The following DIS3L2 variants were observed in gnomAD, a reference collection of about 807,000 sequenced individuals.
The protein encoded by DIS3L2 is DIS3-like exonuclease 2.
A neutral mutation model predicts 97.5 loss-of-function variants in DIS3L2; 34 were observed. The observed-to-expected ratio is 0.35, with a 90% CI of 0.27 to 0.46. The LOEUF is 0.46. Ranked by LOEUF, DIS3L2 falls within the 20% of genes least tolerant of loss-of-function variation. The pLI, the probability that DIS3L2 is intolerant of heterozygous loss-of-function variation, is 1.00. For synonymous variants in DIS3L2, 435 were observed against 445.2 expected (o/e 0.98, Z 0.29); for missense variants, 1,038 against 1,146.0 (o/e 0.91, Z 1.36).
At chr2:231,999,327 C>G (rs1693814576) in intron 1 of DIS3L2, among the ~76,000 whole-genome samples, 2 of 152,172 alleles carry the variant, frequency 1.3e-5, no homozygotes, top group Admixed American at 6.5e-5. Context: ...GATCTAGGCA[C>G]TAGATATGCT....
intron 8 of DIS3L2, among the ~76,000 whole-genome samples, chr2:232,155,713 A>G (rs534087684): frequency 6.6e-6 from 1 of 152,302 alleles, no homozygotes; most frequent in South Asian, 2.1e-4. Flanking sequence ...TTTTCTGGCC[A>G]GGCGTGGTGG....
intron 9 of DIS3L2, among the ~76,000 whole-genome samples, chr2:232,170,206 A>G (rs1273187599): frequency 1.3e-5 from 2 of 152,206 alleles, no homozygotes; most frequent in African/African-American, 4.8e-5. Flanking sequence ...AGAAACCCAG[A>G]AGTTATTTCT....
chr2:232,286,463 A>C lies in DIS3L2; in HGVS notation c.1660-13577A>C, dbSNP rs532224821. Among the ~76,000 whole-genome samples the C allele has an allele frequency of 5.3e-4, 80 of 152,174 alleles. No individual in the cohort carries two copies. In the Middle Eastern group the frequency reaches 0.017, roughly 32 times the overall value. ...GATACTGCTCAGGTAAAGAAATTGGACCTTATTGTTGTAGAAATTACTCAG... is the reference window on the plus strand; with the variant it reads ...GATACTGCTCAGGTAAAGAAATTGGCCCTTATTGTTGTAGAAATTACTCAG... On this transcript the variant is annotated intron_variant, in intron 13 of 20. Transcript: ENST00000325385.
At chr2:232,013,181 T>C (rs1158048868) in intron 1 of DIS3L2, among the ~76,000 whole-genome samples, 1 of 152,214 alleles carries the variant, frequency 6.6e-6, no homozygotes, top group Non-Finnish European at 1.5e-5. Flanking sequence ...GTTCGGGTCT[T>C]CCTTTCCTTT....
intron 5 of DIS3L2, among the ~76,000 whole-genome samples, chr2:232,049,270 A>G (rs1454135525): frequency 6.6e-6 from 1 of 152,170 alleles, no homozygotes; most frequent in Non-Finnish European, 1.5e-5. Context: ...AAATTCTTAA[A>G]GAGGAATTAC....
intron 14 of DIS3L2, among the ~76,000 whole-genome samples, chr2:232,301,835 CTTTTTTTTTTTTT>C (rs557282669): frequency 3.6e-4 from 38 of 105,486 alleles, no homozygotes; most frequent in African/African-American, 1.3e-3. Context: ...TAGCCTAGCT[CTTTTTTTTTTTTT>C]TTTTTTTTTT....
intron 9 of DIS3L2, among the ~76,000 whole-genome samples, chr2:232,167,986 T>G (rs926048285): frequency 2.0e-5 from 3 of 152,050 alleles, no homozygotes; most frequent in Non-Finnish European, 4.4e-5. Flanking sequence ...AGGCAGAGGT[T>G]ACAGTGAGCC....
At chr2:232,086,678 T>TCAC (rs1696660018) in intron 5 of DIS3L2, among the ~76,000 whole-genome samples, 4 of 138,370 alleles carry the variant, frequency 2.9e-5, no homozygotes, top group African/African-American at 1.1e-4. Flanking sequence ...TGTGTGTGTG[T>TCAC]ATATATATAT....
intron 1 of DIS3L2, among the ~76,000 whole-genome samples, chr2:231,997,699 A>G (rs902918227): frequency 6.6e-6 from 1 of 152,246 alleles, no homozygotes; most frequent in Non-Finnish European, 1.5e-5. Context: ...AGACGAGAGA[A>G]TGGTACAAAT....
At chr2:232,006,522 C>T (rs3100601) in intron 1 of DIS3L2, among the ~76,000 whole-genome samples, 142,788 of 152,298 alleles carry the variant, frequency 0.94, 67,033 homozygotes, top group East Asian at 1. Context: ...GTGGAAAATA[C>T]AGTTTGAGGA....
intron 1 of DIS3L2, among the ~76,000 whole-genome samples, chr2:231,973,104 C>T (rs1206052052): frequency 1.3e-5 from 2 of 152,160 alleles, no homozygotes; most frequent in Non-Finnish European, 2.9e-5. Flanking sequence ...GGTATAGTTT[C>T]CTTAAATGTT....
At chr2:232,076,897 G>C (rs368740863) in intron 5 of DIS3L2, among the ~76,000 whole-genome samples, 2 of 152,090 alleles carry the variant, frequency 1.3e-5, no homozygotes, top group Non-Finnish European at 2.9e-5. Context: ...CTCTGACCCG[G>C]CAAGTGTTCT....
chr2:232,231,757 T>C (rs7591573), intron 10 of DIS3L2, among the ~76,000 whole-genome samples: 1,558 of 152,294 alleles, frequency 0.01, 30 homozygotes, highest in African/African-American at 0.035. Context: ...TGCCCTGTAT[T>C]TTTTGTTACT....
At chr2:232,142,920 G>C (rs558891789) in intron 8 of DIS3L2, among the ~76,000 whole-genome samples, 1 of 152,266 alleles carries the variant, frequency 6.6e-6, no homozygotes, top group South Asian at 2.1e-4. Flanking sequence ...ATATCTGTTT[G>C]CATGGAGTTT....
chr2:231,979,024 T>A (rs1226508889), intron 1 of DIS3L2, among the ~76,000 whole-genome samples: 1 of 152,182 alleles, frequency 6.6e-6, no homozygotes, highest in Non-Finnish European at 1.5e-5. Flanking sequence ...TATTTTCTCC[T>A]AGTCAATTGA....
chr2:232,024,753 T>C (rs1352417867), intron 4 of DIS3L2, among the ~76,000 whole-genome samples: 1 of 151,996 alleles, frequency 6.6e-6, no homozygotes, highest in Non-Finnish European at 1.5e-5. Context: ...TGTAATGCTT[T>C]TTTTTTTTGG....
chr2:232,260,032 A>AG (rs989947476), intron 12 of DIS3L2: 4 of 152,264 alleles, frequency 2.6e-5, no homozygotes, highest in Non-Finnish European at 4.4e-5. Context: ...AGCATTCACT[A>AG]GGGAAAAAGA....
intron 10 of DIS3L2, among the ~76,000 whole-genome samples, chr2:232,219,974 T>C (rs1692446197): frequency 6.6e-6 from 1 of 152,142 alleles, no homozygotes; most frequent in Non-Finnish European, 1.5e-5. Flanking sequence ...GAAATGCCTT[T>C]AAACACCAAG....
chr2:232,209,880 T>C (rs898165433), intron 9 of DIS3L2, among the ~76,000 whole-genome samples: 2 of 152,234 alleles, frequency 1.3e-5, no homozygotes, highest in African/African-American at 4.8e-5. Context: ...AGACTTCTAT[T>C]ATGGTTAACT....
Sources: gnomAD v4.1 joint callset for allele counts (sites outside exome capture counted in the v4.1 genomes callset) on GRCh38, gnomAD v4.1.1 for gene constraint, MANE v1.5 for transcripts, NCBI Gene and HGNC (gene_info 2026-07-23, HGNC 2026-07-21) for gene names.